Variants in SNX16 observed in about 807,000 individuals in gnomAD.
The protein encoded by SNX16 is sorting nexin-16.
Under a neutral mutation model 36.7 loss-of-function variants are expected in SNX16, and 35 were observed. The observed-to-expected ratio is 0.95, with a 90% CI of 0.73 to 1.27. The LOEUF is 1.27. Ranked by LOEUF, SNX16 falls within the 50% of genes most tolerant of loss-of-function variation. The probability of loss-of-function intolerance (pLI) is 0.00; values close to 1 mark genes in which losing one functional copy is unlikely to be tolerated. For synonymous variants in SNX16, 134 were observed against 132.0 expected, an observed-to-expected ratio of 1.02 and a Z score of -0.10; for missense variants, 367 against 393.6, an observed-to-expected ratio of 0.93 and a Z score of 0.57.
intron 5 of SNX16, among the ~76,000 whole-genome samples, chr8:81,811,667 C>G (rs780146401): frequency 1.3e-5 from 2 of 152,068 alleles, no homozygotes; most frequent in Non-Finnish European, 2.9e-5. Context: ...ACTAAACAGA[C>G]AGACAAAATA....
At chr8:81,819,645 C>T (rs1277942350) in intron 4 of SNX16, among the ~76,000 whole-genome samples, 1 of 151,936 alleles carries the variant, frequency 6.6e-6, no homozygotes, top group East Asian at 1.9e-4. Context: ...GAGTATCTAA[C>T]TCATTTTTAT....
At chr8:81,842,018 C>G (rs1159137249) in intron 1 of SNX16, 104 bp downstream of exon 1, 4 of 152,116 alleles carry the variant, frequency 2.6e-5, no homozygotes, top group African/African-American at 9.7e-5. Context: ...TCCACTCTCC[C>G]GCGGAGCCCC....
chr8:81,841,511 T>C (rs1424486734), intron 1 of SNX16, among the ~76,000 whole-genome samples: 1 of 151,732 alleles, frequency 6.6e-6, no homozygotes, highest in Non-Finnish European at 1.5e-5. Context: ...GTCCGAGGGA[T>C]CTACCTGGCC....
At chr8:81,831,693 C>CAA (rs754113806) in intron 2 of SNX16, among the ~76,000 whole-genome samples, 4 of 80,954 alleles carry the variant, frequency 4.9e-5, no homozygotes, top group African/African-American at 9.4e-5. Context: ...GAGACTCCGT[C>CAA]AAAAAAAAAA....
intron 4 of SNX16, among the ~76,000 whole-genome samples, chr8:81,816,785 G>C (rs958248936): frequency 6.6e-6 from 1 of 152,164 alleles, no homozygotes; most frequent in African/African-American, 2.4e-5. Flanking sequence ...GCAGGTGGTA[G>C]AGCTGTACTT....
intron 2 of SNX16, among the ~76,000 whole-genome samples, chr8:81,833,030 A>C (rs980990796): frequency 6.6e-6 from 1 of 151,938 alleles, no homozygotes; most frequent in Admixed American, 6.6e-5. Context: ...CAACATATAC[A>C]CTGAATTTCA....
intron 2 of SNX16, among the ~76,000 whole-genome samples, chr8:81,833,160 T>C (rs188173453): frequency 1.4e-5 from 2 of 146,332 alleles, no homozygotes; most frequent in Non-Finnish European, 3.0e-5. Context: ...AATAAAATAA[T>C]TTCACCTATT....
intron 2 of SNX16, among the ~76,000 whole-genome samples, chr8:81,839,130 T>C (rs1047247203): frequency 1.3e-5 from 2 of 152,128 alleles, no homozygotes; most frequent in African/African-American, 4.8e-5. Context: ...ACTGGAACTC[T>C]TATATGCTGC....
chr8:81,806,422 CTATA>C (rs779910888), intron 5 of SNX16, among the ~76,000 whole-genome samples: 1 of 152,086 alleles, frequency 6.6e-6, no homozygotes, highest in Non-Finnish European at 1.5e-5. Flanking sequence ...ATATGATCAT[CTATA>C]CAGATGCAAG....
At chr8:81,810,557 A>AT (rs1810190457) in intron 5 of SNX16, among the ~76,000 whole-genome samples, 1 of 152,194 alleles carries the variant, frequency 6.6e-6, no homozygotes. Flanking sequence ...ATAAACATAT[A>AT]TTTTCAAATA....
intron 4 of SNX16, among the ~76,000 whole-genome samples, chr8:81,820,779 T>C (rs1001868602): frequency 1.3e-5 from 2 of 151,938 alleles, no homozygotes; most frequent in African/African-American, 4.8e-5. Context: ...CAAATGTCAT[T>C]ATTTTGTTTA....
At chr8:81,805,362 A>T (rs1248803543) in intron 5 of SNX16, among the ~76,000 whole-genome samples, 1 of 152,192 alleles carries the variant, frequency 6.6e-6, no homozygotes, top group Admixed American at 6.5e-5. Flanking sequence ...ACTGTTATAT[A>T]AAAGAACTGT....
intron 1 of SNX16, 52 bp downstream of exon 1, chr8:81,842,070 C>G (rs1180183410): frequency 6.6e-6 from 1 of 151,868 alleles, no homozygotes; most frequent in Non-Finnish European, 1.5e-5. Flanking sequence ...GTCACCCGTA[C>G]GAGAACCCGG....
chr8:81,839,350 G>C (rs1224838522), intron 2 of SNX16, among the ~76,000 whole-genome samples: 3 of 152,136 alleles, frequency 2.0e-5, no homozygotes, highest in Middle Eastern at 3.2e-3. Context: ...AGAGAACCTA[G>C]AGCATTTAAG....
rs1304764608 is a variant in SNX16, at chr8:81,802,425, G to A, written c.893C>T (p.Ser298Phe). 3.7e-6 allele frequency: 6 copies of A among 1,609,754 alleles called. No homozygotes were observed. Among genetic ancestry groups the A allele is most frequent in the Non-Finnish European group, 5.1e-6 (6 of 1,177,294 alleles). Residue 298 changes from serine (S) to phenylalanine (F), a missense_variant, in exon 7 of 8, where the codon TCC becomes TTC. Transcript: ENST00000345957. ...ATCTTGATCAACCTCAAGTGCAGAG[G>A]ACTCCACCTTTAGGATCTGTTCACC... ...TEGEQILKVE[S>F]SALEVDQDVL... is the part of the protein sequence containing the mutation.
Position 81,801,501 on chromosome 8 carries a change from T to C in SNX16, c.1031A>G (p.Asp344Gly), listed in dbSNP as rs371298256. The C allele has an allele frequency of 1.3e-5, 21 of 1,580,242 alleles. No homozygotes were observed. The highest frequency in any genetic ancestry group is 1.8e-5 in the Non-Finnish European group (21 of 1,162,166). Residue 344 changes from aspartate to glycine, a missense_variant, in exon 8 of 8, where the codon GAC becomes GGC. Transcript: ENST00000345957. ...VAEVAYDAEE[D>G] ...GAGGGAACTGCTTGTGATACATTAG[T>C]CTTCTTCAGCATCATATGCCACTTC...
intron 2 of SNX16, among the ~76,000 whole-genome samples, chr8:81,830,579 TAAAAAA>T (rs752827905): frequency 1.1e-5 from 1 of 90,248 alleles, no homozygotes; most frequent in Admixed American, 1.2e-4. Flanking sequence ...GTCTAGGGGG[TAAAAAA>T]AAAAAAAAAA....
intron 5 of SNX16, among the ~76,000 whole-genome samples, chr8:81,812,794 A>T (rs1425798558): frequency 6.6e-6 from 1 of 152,070 alleles, no homozygotes; most frequent in Non-Finnish European, 1.5e-5. Flanking sequence ...AGCACAAAAG[A>T]CTGTATAAAG....
intron 4 of SNX16, among the ~76,000 whole-genome samples, chr8:81,820,590 T>C (rs748960515): frequency 0.034 from 5,164 of 152,032 alleles, 140 homozygotes; most frequent in Non-Finnish European, 0.052. Flanking sequence ...AGACTTTCTA[T>C]ATACTTTCTA....
Sources: allele counts gnomAD v4.1 joint callset (sites outside exome capture counted in the v4.1 genomes callset), GRCh38; gene constraint gnomAD v4.1.1; transcripts MANE v1.5; gene names NCBI Gene and HGNC (gene_info 2026-07-23, HGNC 2026-07-21).